The following GBF1 variants were observed in gnomAD, a reference collection of about 807,000 sequenced individuals.
The protein encoded by GBF1 is golgi brefeldin A resistant guanine nucleotide exchange factor 1.
GBF1 carries 114 observed loss-of-function variants against 210.5 expected under a neutral mutation model. That is an observed-to-expected ratio of 0.54 (90% confidence interval 0.47 to 0.63). The LOEUF (loss-of-function observed/expected upper bound fraction) is 0.63. Among genes scored for constraint, GBF1 ranks in the 30% least tolerant of loss-of-function variants. The probability of loss-of-function intolerance (pLI) is 0.00; values close to 1 mark genes in which losing one functional copy is unlikely to be tolerated. For missense variants in GBF1, 1,851 were observed against 2,357.7 expected, an observed-to-expected ratio of 0.79 and a Z score of 4.45; for synonymous variants, 850 against 889.2, an observed-to-expected ratio of 0.96 and a Z score of 0.78.
intron 3 of GBF1, among the ~76,000 whole-genome samples, chr10:102,271,548 G>C (rs977131614): frequency 1.4e-5 from 2 of 140,744 alleles, no homozygotes; most frequent in African/African-American, 5.3e-5. Context: ...TTGGCTTTTT[G>C]AGGACACCAG....
At chr10:102,352,959 C>T (rs182670008) in intron 7 of GBF1, among the ~76,000 whole-genome samples, 2 of 152,224 alleles carry the variant, frequency 1.3e-5, no homozygotes, top group Non-Finnish European at 2.9e-5. Flanking sequence ...CCCAGGCAAA[C>T]CAAGATGGTT....
At position 102,363,869 on chromosome 10, in the gene GBF1, A is replaced by G. The variant is rs2059752855; in HGVS notation, c.2106+71A>G. On this transcript the variant is annotated intron_variant, in intron 17 of 39. Coordinates refer to ENST00000369983, the MANE Select transcript of GBF1 (RefSeq NM_001377137.1). The surrounding 1 kb of genome is among the most constrained non-coding windows in gnomAD (Gnocchi z 4.2). ...TCCAGTGTTGTAGGGTTTCCATCTC[A>G]GAAGATGAAGGAGAGTCTAGCACCT... The G allele has an allele frequency of 6.5e-6, 6 of 924,658 alleles. No individual in the cohort carries two copies. The highest frequency in any genetic ancestry group is 1.1e-5 in the Non-Finnish European group (6 of 566,396). The allele number at this position is 924,658 out of a possible 1,614,324, so 57.3% of individuals were successfully genotyped here. A position where few individuals can be genotyped will look rare whatever the true frequency, so the allele number is the denominator to read the frequency against.
At position 102,361,930 on chromosome 10, in the gene GBF1, T is replaced by G; in HGVS notation, c.1686+18T>G. On this transcript the variant is annotated intron_variant, in intron 14 of 39. Transcript: ENST00000369983. ...TGTCCAAGGTGCTGAGCACTATAAC[T>G]GGCTTCTAGGAAAAAACGCATTATA... 1 of 1,522,246 alleles carries G rather than the reference T, an allele frequency of 6.6e-7. No individual in the cohort carries two copies. The highest frequency in any genetic ancestry group is 8.9e-7 in the Non-Finnish European group (1 of 1,127,246). 94.3% of individuals were successfully genotyped at this position (1,522,246 alleles called of 1,614,324 possible).
At chr10:102,231,225 G>T in the GBF1 span, 1 of 974,672 alleles carries the variant, frequency 1.0e-6, no homozygotes, top group Non-Finnish European at 1.5e-6. Flanking sequence ...GGTGGCTAGA[G>T]ACGGGGTGGG....
Position 102,251,008 on chromosome 10 carries a change from GAAA to G in GBF1, c.-11+5238_-11+5240del, listed in dbSNP as rs35041817. Among the ~76,000 whole-genome samples, 324 of 143,410 alleles carry G rather than the reference GAAA, an allele frequency of 2.3e-3. 5 individuals carry two copies. In the East Asian group the frequency reaches 0.045, roughly 20 times the overall value. 94.1% of individuals were successfully genotyped at this position (143,410 alleles called of 152,430 possible). On this transcript the variant is annotated intron_variant, in intron 1 of 39. Coordinates refer to ENST00000369983, the MANE Select transcript of GBF1 (RefSeq NM_001377137.1). ...AACCAAACCCCATAAAAGTGATTAA[GAAA>G]AAAAAAAAAACCACTTAAACACTAG... is the stretch of plus-strand genomic sequence containing the variant.
intron 3 of GBF1, among the ~76,000 whole-genome samples, chr10:102,275,434 G>A (rs1258595018): frequency 6.6e-6 from 1 of 152,164 alleles, no homozygotes; most frequent in African/African-American, 2.4e-5. Flanking sequence ...GGAGCATTGA[G>A]ACCTCAGAGA....
intron 3 of GBF1, among the ~76,000 whole-genome samples, chr10:102,288,405 G>A (rs901122010): frequency 6.6e-6 from 1 of 152,142 alleles, no homozygotes; most frequent in African/African-American, 2.4e-5. Context: ...CCTAATGCTC[G>A]GGAGTGATTT....
rs963915135 is a variant in GBF1, at chr10:102,303,532, T to G, written c.164-40519T>G. Among the ~76,000 whole-genome samples the G allele has an allele frequency of 1.1e-4, 16 of 152,342 alleles. 1 individual carries two copies. Among genetic ancestry groups the G allele is most frequent in the Admixed American group, 2.6e-4 (4 of 15,300 alleles). ...GAAAATCTTGATGACTTTCTACTGC[T>G]ATGGCTGCCTAAAGAATAATTCAGG... On this transcript the variant is annotated intron_variant, in intron 3 of 39. Coordinates refer to ENST00000369983, the MANE Select transcript of GBF1 (RefSeq NM_001377137.1).
At chr10:102,362,841 T>C (rs1703715976) in intron 15 of GBF1, among the ~76,000 whole-genome samples, 177 bp downstream of exon 15, 1 of 152,210 alleles carries the variant, frequency 6.6e-6, no homozygotes, top group African/African-American at 2.4e-5. Flanking sequence ...CTCATAGCCT[T>C]CTCCCTTTTT....
the GBF1 span, chr10:102,232,188 T>G: frequency 1.4e-6 from 1 of 723,360 alleles, no homozygotes; most frequent in African/African-American, 1.7e-5. Flanking sequence ...CCCTGGCGCC[T>G]TTCTCAACCC....
At chr10:102,250,809 T>C (rs1260945895) in intron 1 of GBF1, among the ~76,000 whole-genome samples, 3 of 151,982 alleles carry the variant, frequency 2.0e-5, no homozygotes. Flanking sequence ...ATATAAAAAT[T>C]AGCTAGGCGT....
chr10:102,301,525 G>A (rs1265575440), intron 3 of GBF1, among the ~76,000 whole-genome samples: 3 of 151,628 alleles, frequency 2.0e-5, no homozygotes, highest in African/African-American at 7.3e-5. Context: ...GCTGCCGGGC[G>A]GAGGGGCTCC....
intron 1 of GBF1, among the ~76,000 whole-genome samples, chr10:102,251,609 A>G (rs2071549724): frequency 6.6e-6 from 1 of 152,148 alleles, no homozygotes; most frequent in Non-Finnish European, 1.5e-5. Flanking sequence ...GCTGGAGTAC[A>G]GTGGCACGAT....
At chr10:102,246,768 G>A (rs2070887565) in intron 1 of GBF1, among the ~76,000 whole-genome samples, 1 of 152,150 alleles carries the variant, frequency 6.6e-6, no homozygotes, top group African/African-American at 2.4e-5. Context: ...CAAGGGTAAC[G>A]AATGCTTTTA....
At position 102,323,335 on chromosome 10, in the gene GBF1, C is replaced by T. The variant is rs567760545; in HGVS notation, c.164-20716C>T. Among the ~76,000 whole-genome samples, 91 of 151,746 alleles carry T rather than the reference C, an allele frequency of 6.0e-4. No homozygotes were observed. The Middle Eastern group carries it at 0.01, about 17-fold the overall frequency. On this transcript the variant is annotated intron_variant, in intron 3 of 39. Transcript: ENST00000369983. ...CCAGATTGTCATTTTCTCTGCATTC[C>T]GTATGTCAAAGCAGTCACAGACGAG...
intron 3 of GBF1, among the ~76,000 whole-genome samples, chr10:102,341,911 AT>A (rs1254601246): frequency 6.6e-6 from 1 of 151,896 alleles, no homozygotes; most frequent in African/African-American, 2.4e-5. Flanking sequence ...ATTCTCAAAG[AT>A]TTTTTTCCTC....
chr10:102,372,258 T>C (rs1326369094), intron 29 of GBF1, among the ~76,000 whole-genome samples: 1 of 150,934 alleles, frequency 6.6e-6, no homozygotes, highest in Non-Finnish European at 1.5e-5. Context: ...GGCTCACGTC[T>C]GTAATCCCAA....
intron 30 of GBF1, 37 bp from the exon 31 acceptor site, chr10:102,376,235 C>G (rs779613049): frequency 1.3e-6 from 2 of 1,581,684 alleles, no homozygotes; most frequent in South Asian, 1.1e-5. Context: ...GTGCCCCATC[C>G]CCACCCTGAC....
chr10:102,375,353 C>T lies in GBF1; in HGVS notation c.3661-6C>T, dbSNP rs774502169. The T allele has an allele frequency of 8.9e-6, 14 of 1,581,428 alleles. No homozygotes were observed. The highest frequency in any genetic ancestry group is 1.2e-5 in the Non-Finnish European group (14 of 1,150,482). On this transcript the variant is annotated splice_polypyrimidine_tract_variant and splice_region_variant and intron_variant, in intron 29 of 39. Coordinates refer to ENST00000369983, the MANE Select transcript of GBF1 (RefSeq NM_001377137.1). ...TTCCCCGCTCCCTGCCCTAACCCCA[C>T]TCCAGGTGCTGCTCTCCCTGCGCAT...
Sources: allele counts gnomAD v4.1 joint callset (sites outside exome capture counted in the v4.1 genomes callset), GRCh38; gene constraint gnomAD v4.1.1; non-coding constraint Gnocchi (gnomAD v3.1); transcripts MANE v1.5; gene names NCBI Gene and HGNC (gene_info 2026-07-23, HGNC 2026-07-21).